The following HPDL variants were observed in gnomAD, a reference collection of about 807,000 sequenced individuals.
HPDL encodes the protein 4-hydroxyphenylpyruvate dioxygenase like, also known as 4-hydroxyphenylpyruvate dioxygenase-like protein.
A neutral mutation model predicts 9.8 loss-of-function variants in HPDL; 7 were observed. The ratio of observed to expected loss-of-function variants is 0.71; its 90% CI spans 0.41 to 1.34. The LOEUF is 1.34. Among genes scored for constraint, HPDL ranks in the 40% most tolerant of loss-of-function variants. The pLI, the probability that HPDL is intolerant of heterozygous loss-of-function variation, is 0.01. For synonymous variants in HPDL, 250 were observed against 228.2 expected (o/e 1.10, Z -0.86); for missense variants, 530 against 495.1 (o/e 1.07, Z -0.67).
chr1:45,327,947 G>GT lies in HPDL; in HGVS notation c.800dup (p.Glu268GlyfsTer4), dbSNP rs776909228. ...CGTGGGGCTGTATACGCCTAACATTGTGGAGGCCACTGAGGGGGTGGCAAC... is the reference window on the plus strand; with the variant it reads ...CGTGGGGCTGTATACGCCTAACATTGTTGGAGGCCACTGAGGGGGTGGCAAC... On this transcript the variant is annotated frameshift_variant, in exon 1 of 1. Coordinates refer to ENST00000334815, the MANE Select transcript of HPDL (RefSeq NM_032756.4). LOFTEE classifies it high-confidence loss of function. The surrounding 1 kb of genome is among the most constrained non-coding windows in gnomAD (Gnocchi z 6.3). 10 of 1,594,356 alleles carry GT rather than the reference G, an allele frequency of 6.3e-6. No homozygotes were observed. The highest frequency in any genetic ancestry group is 1.3e-5 in the African/African-American group (1 of 74,546).
Position 45,326,976 on chromosome 1 carries a change from G to A in HPDL, c.-173G>A. The A allele has an allele frequency of 1.7e-6, 1 of 605,760 alleles. No homozygotes were observed. Among genetic ancestry groups the A allele is most frequent in the Non-Finnish European group, 2.6e-6 (1 of 386,966 alleles). The allele number at this position is 605,760 out of a possible 1,614,324, so 37.5% of individuals were successfully genotyped here. On this transcript the variant is annotated 5_prime_UTR_variant, in exon 1 of 1. Coordinates refer to ENST00000334815, the MANE Select transcript of HPDL (RefSeq NM_032756.4). ...GGTGGCGCTGCAGGGAGAACCGCGA[G>A]CTCTCAGGGGTCGGCGGGTGACTTC...
chr1:45,327,423 C>CG lies in HPDL; in HGVS notation c.275_276insG (p.Arg93ProfsTer103). The CG allele has an allele frequency of 1.9e-6, 3 of 1,585,950 alleles. No homozygotes were observed. The South Asian group carries it at 3.4e-5, about 18-fold the overall frequency. ...GACGTGGCGGACGCCGGCGCTGCAA[C>CG]CCGGGAGCTGGCAGCGCTGGGCTGC... On this transcript the variant is annotated frameshift_variant, in exon 1 of 1. Coordinates refer to ENST00000334815, the MANE Select transcript of HPDL (RefSeq NM_032756.4). LOFTEE classifies it low-confidence loss of function (END_TRUNC). This position sits in a 1 kb window ranked among gnomAD's most constrained non-coding sequence, Gnocchi z 6.3.
At position 45,327,202 on chromosome 1, in the gene HPDL, G is replaced by C. The variant is rs964116296; in HGVS notation, c.54G>C (p.Gly18=). The C allele has an allele frequency of 6.3e-7, 1 of 1,594,528 alleles. No individual in the cohort carries two copies. Among genetic ancestry groups the C allele is most frequent in the Non-Finnish European group, 8.5e-7 (1 of 1,170,112 alleles). Residue 18 remains glycine (G), a synonymous_variant, in exon 1 of 1, where the codon GGG becomes GGC. Transcript: ENST00000334815. This position sits in a 1 kb window ranked among gnomAD's most constrained non-coding sequence, Gnocchi z 6.3. ...LCHIAFHVPA[G]QPLARNLQRL... ...ACATCGCCTTCCACGTGCCCGCCGG[G>C]CAGCCCCTAGCCCGGAACCTGCAGC...
Position 45,327,538 on chromosome 1 carries a change from G to A in HPDL, c.390G>A (p.Leu130=). 2.5e-6 allele frequency: 4 copies of A among 1,607,050 alleles called. No individual in the cohort carries two copies. Among genetic ancestry groups the A allele is most frequent in the Non-Finnish European group, 3.4e-6 (4 of 1,179,536 alleles). ...VVSSPAGILS[L]TLLERAGYRG... ...GCTCGCCTGCCGGCATCCTCAGCCT[G>A]ACCTTGCTGGAGCGCGCTGGCTACC... The change falls in exon 1 of 1, where the codon CTG becomes CTA. Residue 130 remains leucine, a synonymous_variant. Coordinates refer to ENST00000334815, the MANE Select transcript of HPDL (RefSeq NM_032756.4). The surrounding 1 kb of genome is among the most constrained non-coding windows in gnomAD (Gnocchi z 6.3).
Position 45,328,006 on chromosome 1 carries a change from A to G in HPDL, c.858A>G (p.Ala286=). 6.2e-7 allele frequency: 1 copy of G among 1,613,612 alleles called. No homozygotes were observed. Among genetic ancestry groups the G allele is most frequent in the South Asian group, 1.1e-5 (1 of 91,056 alleles). The change falls in exon 1 of 1, where the codon GCA becomes GCG. Residue 286 remains alanine, a synonymous_variant. Transcript: ENST00000334815. ...AGGQFLAPPG[A]YYQQPGKERQ... ...GCCAGTTCCTGGCTCCCCCTGGGGCATACTACCAGCAGCCAGGAAAGGAGA... is the reference window on the plus strand; with the variant it reads ...GCCAGTTCCTGGCTCCCCCTGGGGCGTACTACCAGCAGCCAGGAAAGGAGA...
rs1475655038 is a variant in HPDL, at chr1:45,328,418, GTC to G, written c.*159_*160del. 6.0e-5 allele frequency: 42 copies of G among 701,870 alleles called. No individual in the cohort carries two copies. The East Asian group carries it at 8.2e-4, about 14-fold the overall frequency. The allele number at this position is 701,870 out of a possible 1,614,324, so 43.5% of individuals were successfully genotyped here. A position where few individuals can be genotyped will look rare whatever the true frequency, so the allele number is the denominator to read the frequency against. On this transcript the variant is annotated 3_prime_UTR_variant, in exon 1 of 1. Coordinates refer to ENST00000334815, the MANE Select transcript of HPDL (RefSeq NM_032756.4). The stretch of plus-strand genomic sequence containing the variant: ...TTCATCAGTGCCTGCCAGAAGCTGT[GTC>G]TCTCATTGGGCTCCAAAGAGGTGGG...
rs369195593 is a variant in HPDL, at chr1:45,328,143, C to T, written c.995C>T (p.Thr332Ile). The change falls in exon 1 of 1, where the codon ACT (threonine) becomes ATT (isoleucine). Residue 332 changes from threonine to isoleucine, a missense_variant. Transcript: ENST00000334815. ...LLQVFTKSLF[T>I]EDTFFLELIQ... ...CAGGTCTTCACCAAGTCCCTTTTTA[C>T]TGAGGACACTTTCTTCCTGGAGCTG... 156 of 1,614,252 alleles carry T rather than the reference C, an allele frequency of 9.7e-5. 1 individual carries two copies. The South Asian group carries it at 1.5e-3, about 15-fold the overall frequency.
chr1:45,328,035 A>G lies in HPDL; in HGVS notation c.887A>G (p.Gln296Arg). ...AYYQQPGKER[Q>R]IRAAGHEPHL... ...TACCAGCAGCCAGGAAAGGAGAGGC[A>G]GATCCGAGCTGCAGGGCACGAGCCT... is the stretch of plus-strand genomic sequence containing the variant. The change falls in exon 1 of 1, where the codon CAG becomes CGG. Residue 296 changes from glutamine (Q) to arginine (R), a missense_variant. Coordinates refer to ENST00000334815, the MANE Select transcript of HPDL (RefSeq NM_032756.4). 2 of 1,614,178 alleles carry G rather than the reference A, an allele frequency of 1.2e-6. No individual in the cohort carries two copies. Among genetic ancestry groups the G allele is most frequent in the Non-Finnish European group, 1.7e-6 (2 of 1,179,970 alleles).
Position 45,327,495 on chromosome 1 carries a change from C to T in HPDL, c.347C>T (p.Ala116Val), listed in dbSNP as rs766248162. 2.8e-5 allele frequency: 45 copies of T among 1,597,880 alleles called. No homozygotes were observed. The highest frequency in any genetic ancestry group is 3.4e-5 in the Non-Finnish European group (40 of 1,177,862). Residue 116 changes from alanine to valine, a missense_variant, in exon 1 of 1, where the codon GCC (alanine) becomes GTC (valine). Coordinates refer to ENST00000334815, the MANE Select transcript of HPDL (RefSeq NM_032756.4). The surrounding 1 kb of genome is among the most constrained non-coding windows in gnomAD (Gnocchi z 6.3). ...PVRVRDAQGAATYAVVSSPAG... is the reference protein window; with the variant it reads ...PVRVRDAQGAVTYAVVSSPAG... ...CGCGTGCGGGACGCGCAGGGTGCCG[C>T]CACTTACGCCGTGGTCAGCTCGCCT...
At position 45,327,938 on chromosome 1, in the gene HPDL, C is replaced by T. The variant is rs747865404; in HGVS notation, c.790C>T (p.Pro264Ser). The stretch of plus-strand genomic sequence containing the variant: ...CCTGCAGCACGTGGGGCTGTATACG[C>T]CTAACATTGTGGAGGCCACTGAGGG... ...PGLQHVGLYTPNIVEATEGVA... is the reference protein window; with the variant it reads ...PGLQHVGLYTSNIVEATEGVA... The change falls in exon 1 of 1, where the codon CCT (proline) becomes TCT (serine). Residue 264 changes from proline to serine, a missense_variant. Pro to Ser is a moderately conservative substitution (Grantham distance 74, BLOSUM62 -1). Transcript: ENST00000334815. The surrounding 1 kb of genome is among the most constrained non-coding windows in gnomAD (Gnocchi z 6.3). 1.9e-6 allele frequency: 3 copies of T among 1,588,996 alleles called. No homozygotes were observed. Among genetic ancestry groups the T allele is most frequent in the Non-Finnish European group, 2.6e-6 (3 of 1,166,918 alleles).
Position 45,328,063 on chromosome 1 carries a change from T to G in HPDL, c.915T>G (p.His305Gln), listed in dbSNP as rs777519197. 14 of 1,614,122 alleles carry G rather than the reference T, an allele frequency of 8.7e-6. No individual in the cohort carries two copies. The highest frequency in any genetic ancestry group is 1.3e-5 in the African/African-American group (1 of 74,934). Residue 305 changes from histidine (H) to glutamine (Q), a missense_variant, in exon 1 of 1, where the codon CAT becomes CAG. Physicochemically the swap from His to Gln is conservative, Grantham distance 24 (BLOSUM62 0). Transcript: ENST00000334815. ...TCCGAGCTGCAGGGCACGAGCCTCA[T>G]CTGCTTGCTCGACAGGGGATCCTGC... ...RQIRAAGHEP[H>Q]LLARQGILLD...
Position 45,327,901 on chromosome 1 carries a change from C to T in HPDL, c.753C>T (p.His251=), listed in dbSNP as rs1644259400. The T allele has an allele frequency of 6.4e-7, 1 of 1,551,286 alleles. No homozygotes were observed. Among genetic ancestry groups the T allele is most frequent in the Non-Finnish European group, 8.7e-7 (1 of 1,148,468 alleles). ...AGGTGGAGCAGTTCCTGGCCCGGCACAAGGGGCCAGGCCTGCAGCACGTGG... is the reference window on the plus strand; with the variant it reads ...AGGTGGAGCAGTTCCTGGCCCGGCATAAGGGGCCAGGCCTGCAGCACGTGG... The part of the protein sequence containing the change: ...QDQVEQFLAR[H]KGPGLQHVGL... Residue 251 remains histidine, a synonymous_variant, in exon 1 of 1, where the codon CAC becomes CAT. Coordinates refer to ENST00000334815, the MANE Select transcript of HPDL (RefSeq NM_032756.4). This position sits in a 1 kb window ranked among gnomAD's most constrained non-coding sequence, Gnocchi z 6.3.
In HPDL at chr1:45,327,655, C is replaced by T; in HGVS notation, c.507C>T (p.Thr169=). 6.2e-7 allele frequency: 1 copy of T among 1,611,426 alleles called. No homozygotes were observed. The highest frequency in any genetic ancestry group is 8.5e-7 in the Non-Finnish European group (1 of 1,178,662). The change falls in exon 1 of 1, where the codon ACC becomes ACT. Residue 169 remains threonine (T), a synonymous_variant. Coordinates refer to ENST00000334815, the MANE Select transcript of HPDL (RefSeq NM_032756.4). The surrounding 1 kb of genome is among the most constrained non-coding windows in gnomAD (Gnocchi z 6.3). ...TGGACCACCTGACCTTGGCCTGCAC[C>T]CCCGGCAGCTCCCCCACACTTTTGC... ...SRVDHLTLAC[T]PGSSPTLLRW...
At position 45,327,556 on chromosome 1, in the gene HPDL, T is replaced by C. The variant is rs1437129258; in HGVS notation, c.408T>C (p.Ala136=). The change falls in exon 1 of 1, where the codon GCT becomes GCC. Residue 136 remains alanine (A), a synonymous_variant. Transcript: ENST00000334815. The surrounding 1 kb of genome is among the most constrained non-coding windows in gnomAD (Gnocchi z 6.3). ...TCAGCCTGACCTTGCTGGAGCGCGC[T>C]GGCTACCGCGGACCCTTCCTACCCG... ...GILSLTLLER[A]GYRGPFLPGF... is the part of the protein sequence containing the mutation. 6.2e-7 allele frequency: 1 copy of C among 1,609,372 alleles called. No homozygotes were observed. The highest frequency in any genetic ancestry group is 1.7e-5 in the Admixed American group (1 of 59,958).
In HPDL at chr1:45,327,451, C is replaced by T. The variant is rs199605999; in HGVS notation, c.303C>T (p.Ser101=). The T allele has an allele frequency of 3.8e-6, 6 of 1,586,862 alleles. No homozygotes were observed. In the Admixed American group the frequency reaches 6.8e-5, roughly 18 times the overall value. The change falls in exon 1 of 1, where the codon AGC becomes AGT. Residue 101 remains serine (S), a synonymous_variant. Transcript: ENST00000334815. The surrounding 1 kb of genome is among the most constrained non-coding windows in gnomAD (Gnocchi z 6.3). ...GGGAGCTGGCAGCGCTGGGCTGCAG[C>T]GTGCCTGTCCCTCCCGTTCGCGTGC... ...ATRELAALGC[S]VPVPPVRVRD... is the part of the protein sequence containing the mutation.
rs368714969 is a variant in HPDL, at chr1:45,328,170, T to C, written c.1022T>C (p.Ile341Thr). The C allele has an allele frequency of 6.2e-7, 1 of 1,614,110 alleles. No homozygotes were observed. Among genetic ancestry groups the C allele is most frequent in the Non-Finnish European group, 8.5e-7 (1 of 1,180,040 alleles). The change falls in exon 1 of 1, where the codon ATT becomes ACT. Residue 341 changes from isoleucine to threonine, a missense_variant. Coordinates refer to ENST00000334815, the MANE Select transcript of HPDL (RefSeq NM_032756.4). ...GAGGACACTTTCTTCCTGGAGCTGA[T>C]TCAGAGGCAGGGGGCCACTGGCTTT... ...FTEDTFFLEL[I>T]QRQGATGFGQ...
chr1:45,327,760 A>G lies in HPDL; in HGVS notation c.612A>G (p.Thr204=). Residue 204 remains threonine, a synonymous_variant, in exon 1 of 1, where the codon ACA becomes ACG. Coordinates refer to ENST00000334815, the MANE Select transcript of HPDL (RefSeq NM_032756.4). The surrounding 1 kb of genome is among the most constrained non-coding windows in gnomAD (Gnocchi z 6.3). The stretch of plus-strand genomic sequence containing the variant: ...ATCCCGAGCTGGGCCTCGAAATGAC[A>G]GCAGGGTTTGGGCTTGGGGGACTGA... ...GEDPELGLEM[T]AGFGLGGLRL... is the part of the protein sequence containing the mutation. 3.1e-6 allele frequency: 5 copies of G among 1,612,734 alleles called. No homozygotes were observed. Among genetic ancestry groups the G allele is most frequent in the Non-Finnish European group, 4.2e-6 (5 of 1,179,274 alleles).
At position 45,327,362 on chromosome 1, in the gene HPDL, C is replaced by A. The variant is rs750120596; in HGVS notation, c.214C>A (p.Arg72Ser). ...AGAGCCGCTGTACGGCCTGGATCCG[C>A]GTCACGCCGTGCCCAGCGCCACAAA... ...SGEPLYGLDP[R>S]HAVPSATNLC... The change falls in exon 1 of 1, where the codon CGT becomes AGT. Residue 72 changes from arginine (R) to serine (S), a missense_variant. By Grantham distance (110) the Arg-to-Ser change is moderately radical. Coordinates refer to ENST00000334815, the MANE Select transcript of HPDL (RefSeq NM_032756.4). This position sits in a 1 kb window ranked among gnomAD's most constrained non-coding sequence, Gnocchi z 6.3. The A allele has an allele frequency of 4.4e-5, 69 of 1,582,572 alleles. No individual in the cohort carries two copies. The highest frequency in any genetic ancestry group is 5.7e-5 in the Non-Finnish European group (66 of 1,167,918).
rs116119975 is a variant in HPDL, at chr1:45,328,052, C to T, written c.904C>T (p.His302Tyr). The T allele has an allele frequency of 6.8e-6, 11 of 1,614,254 alleles. No homozygotes were observed. Among genetic ancestry groups the T allele is most frequent in the Non-Finnish European group, 5.9e-6 (7 of 1,180,038 alleles). Residue 302 changes from histidine to tyrosine, a missense_variant, in exon 1 of 1, where the codon CAC (histidine) becomes TAC (tyrosine). Physicochemically the swap from His to Tyr is moderately conservative, Grantham distance 83. Transcript: ENST00000334815. ...GKERQIRAAG[H>Y]EPHLLARQGI... ...GGAGAGGCAGATCCGAGCTGCAGGGCACGAGCCTCATCTGCTTGCTCGACA... is the reference window on the plus strand; with the variant it reads ...GGAGAGGCAGATCCGAGCTGCAGGGTACGAGCCTCATCTGCTTGCTCGACA...
Sources: allele counts gnomAD v4.1 joint callset, GRCh38; gene constraint gnomAD v4.1.1; non-coding constraint Gnocchi (gnomAD v3.1); transcripts MANE v1.5; gene names NCBI Gene and HGNC (gene_info 2026-07-23, HGNC 2026-07-21).